Variants in ABCC4 observed in about 807,000 individuals in gnomAD.
ABCC4 encodes ATP-binding cassette sub-family C member 4.
In ABCC4, 102 loss-of-function variants were observed where a neutral mutation model predicts 168.5. The observed-to-expected ratio is 0.61, with a 90% CI of 0.52 to 0.71. The LOEUF (loss-of-function observed/expected upper bound fraction) is 0.71, where lower values mean the gene tolerates loss of function less well. Ranked by LOEUF, ABCC4 falls within the 30% of genes least tolerant of loss-of-function variation. The probability of loss-of-function intolerance (pLI) is 0.00; values close to 1 mark genes in which losing one functional copy is unlikely to be tolerated. For missense variants in ABCC4, 1,402 were observed against 1,605.8 expected (o/e 0.87, Z 2.17); for synonymous variants, 617 against 590.7 (o/e 1.04, Z -0.65).
At chr13:95,048,517 T>C (rs1425823190) in intron 27 of ABCC4, among the ~76,000 whole-genome samples, 1 of 152,170 alleles carries the variant, frequency 6.6e-6, no homozygotes, top group African/African-American at 2.4e-5. Context: ...ACTCAACAGA[T>C]GGGAACAACC....
chr13:95,156,413 G>A (rs769651039), intron 19 of ABCC4, among the ~76,000 whole-genome samples: 7 of 152,124 alleles, frequency 4.6e-5, no homozygotes, highest in Non-Finnish European at 7.3e-5. Context: ...TCTTGTGCTG[G>A]ATATCAAAAG....
At chr13:95,188,166 A>T (rs202207060) in intron 10 of ABCC4, among the ~76,000 whole-genome samples, 1 of 152,074 alleles carries the variant, frequency 6.6e-6, no homozygotes, top group East Asian at 1.9e-4. Flanking sequence ...TTCTTAGTCA[A>T]TCCATCCTGC....
At position 95,209,523 on chromosome 13, in the gene ABCC4, C is replaced by A; in HGVS notation, c.696G>T (p.Glu232Asp). Residue 232 changes from glutamate to aspartate, a missense_variant, in exon 6 of 31, where the codon GAG becomes GAT. Glu to Asp is a conservative substitution (Grantham distance 45). This residue lies in a region of ABCC4 where 317 missense variants were observed against 345.5 expected (regional missense o/e 0.92). Transcript: ENST00000645237. ...TCCCAGCAAGGCACGATATTCCTAT[C>A]TCCATCCAGAGTAGGGCAGTCACTG... ...AIAVTALLWMEIGISCLAGMA... is the reference protein window; with the variant it reads ...AIAVTALLWMDIGISCLAGMA... 6.2e-7 allele frequency: 1 copy of A among 1,614,170 alleles called. No homozygotes were observed. The highest frequency in any genetic ancestry group is 8.5e-7 in the Non-Finnish European group (1 of 1,179,980).
At chr13:95,072,108 C>A (rs1189462) in intron 24 of ABCC4, among the ~76,000 whole-genome samples, 21 of 152,146 alleles carry the variant, frequency 1.4e-4, no homozygotes, top group Non-Finnish European at 2.4e-4. Flanking sequence ...ACTTCTCACA[C>A]CTGTATTAAA....
At chr13:95,139,786 CA>C (rs2036258922) in intron 19 of ABCC4, among the ~76,000 whole-genome samples, 2 of 152,168 alleles carry the variant, frequency 1.3e-5, no homozygotes, top group South Asian at 4.1e-4. Flanking sequence ...CCCAAATTGA[CA>C]GCTGTCCTGG....
At chr13:95,108,698 G>A (rs2035095937) in intron 20 of ABCC4, among the ~76,000 whole-genome samples, 1 of 150,736 alleles carries the variant, frequency 6.6e-6, no homozygotes, top group African/African-American at 2.4e-5. Flanking sequence ...CTGGAGTGCA[G>A]TGGTGCAATT....
intron 4 of ABCC4, among the ~76,000 whole-genome samples, chr13:95,232,119 C>CTGATGA (rs1163707224): frequency 6.6e-6 from 1 of 150,568 alleles, no homozygotes; most frequent in East Asian, 1.9e-4. Flanking sequence ...GCTGCTGCTG[C>CTGATGA]TGATGATGAT....
In ABCC4 at chr13:95,095,918, A is replaced by T. The variant is rs140260504; in HGVS notation, c.2536-12628T>A. ...ACAAAACAAAAACCCAGAGTACTCA[A>T]TAGAAAAATTGTTAAGACACTTAAA... On this transcript the variant is annotated intron_variant, in intron 20 of 30. Transcript: ENST00000645237. The T allele has an allele frequency of 1.6e-4, 61 of 378,142 alleles. 1 individual carries two copies. The East Asian group carries it at 2.3e-3, about 14-fold the overall frequency. 23.4% of individuals were successfully genotyped at this position (378,142 alleles called of 1,614,324 possible).
At chr13:95,193,234 A>G (rs551999596) in intron 9 of ABCC4, among the ~76,000 whole-genome samples, 8 of 152,336 alleles carry the variant, frequency 5.3e-5, no homozygotes, top group South Asian at 2.1e-4. Flanking sequence ...TCAACCGCCT[A>G]TTGGCTCTTG....
chr13:95,187,349 A>G (rs1044542922), intron 10 of ABCC4, among the ~76,000 whole-genome samples: 1 of 152,242 alleles, frequency 6.6e-6, no homozygotes, highest in Non-Finnish European at 1.5e-5. Flanking sequence ...TCACGCCTGT[A>G]ATCCCAGCAC....
intron 29 of ABCC4, among the ~76,000 whole-genome samples, chr13:95,041,115 G>A (rs1040646907): frequency 1.3e-5 from 2 of 152,116 alleles, no homozygotes; most frequent in African/African-American, 4.8e-5. Context: ...ATAGTGGTGC[G>A]TATTAGAAAA....
chr13:95,201,594 T>G (rs1418471965), intron 8 of ABCC4, among the ~76,000 whole-genome samples: 1 of 152,122 alleles, frequency 6.6e-6, no homozygotes. Flanking sequence ...GGGAAAGAAA[T>G]CTATAAACAA....
intron 1 of ABCC4, among the ~76,000 whole-genome samples, chr13:95,287,097 G>C (rs2041277290): frequency 6.6e-6 from 1 of 152,022 alleles, no homozygotes; most frequent in South Asian, 2.1e-4. Flanking sequence ...TCAGCAGTTT[G>C]AAACCAGCCT....
intron 27 of ABCC4, among the ~76,000 whole-genome samples, chr13:95,045,977 T>C (rs2032559114): frequency 6.6e-6 from 1 of 152,198 alleles, no homozygotes; most frequent in Admixed American, 6.5e-5. Context: ...ATATTTGGCA[T>C]TAGCATGCAA....
At chr13:95,176,228 G>C (rs1288200360) in intron 13 of ABCC4, among the ~76,000 whole-genome samples, 15 of 42,038 alleles carry the variant, frequency 3.6e-4, no homozygotes, top group African/African-American at 7.7e-4. Context: ...GAGGGCAGGG[G>C]GGGGGGGGGG....
At chr13:95,240,187 A>G (rs910788132) in intron 3 of ABCC4, among the ~76,000 whole-genome samples, 3 of 152,208 alleles carry the variant, frequency 2.0e-5, no homozygotes, top group African/African-American at 7.2e-5. Flanking sequence ...GGGATATGCA[A>G]TGAGCCCAAT....
At chr13:95,194,348 C>T (rs2038350207) in intron 9 of ABCC4, among the ~76,000 whole-genome samples, 1 of 152,194 alleles carries the variant, frequency 6.6e-6, no homozygotes. Flanking sequence ...CATCCAGATG[C>T]TTGGAATAGG....
chr13:95,099,216 C>T (rs1227215976), intron 20 of ABCC4, among the ~76,000 whole-genome samples: 1 of 152,102 alleles, frequency 6.6e-6, no homozygotes, highest in East Asian at 1.9e-4. Context: ...GAAACATACA[C>T]AGAACTCAAA....
At chr13:95,077,498 A>T (rs1198717547) in intron 21 of ABCC4, among the ~76,000 whole-genome samples, 1 of 152,046 alleles carries the variant, frequency 6.6e-6, no homozygotes, top group Non-Finnish European at 1.5e-5. Context: ...CACCACACTC[A>T]GCTAATTTTT....
Sources: allele counts gnomAD v4.1 joint callset (sites outside exome capture counted in the v4.1 genomes callset), GRCh38; gene constraint gnomAD v4.1.1; regional missense constraint gnomAD v4.1.1; transcripts MANE v1.5; gene names NCBI Gene and HGNC (gene_info 2026-07-23, HGNC 2026-07-21).